Variants in NSUN4 observed in about 807,000 individuals in gnomAD.
The protein encoded by NSUN4 is 5-cytosine rRNA methyltransferase NSUN4.
In NSUN4, 31 loss-of-function variants were observed where a neutral mutation model predicts 43.8. The ratio of observed to expected loss-of-function variants is 0.71; its 90% CI spans 0.53 to 0.96. The LOEUF is 0.96. NSUN4 is among the 40% of genes least tolerant of loss of function. NSUN4 has a pLI of 0.00. For synonymous variants in NSUN4, 167 were observed against 184.1 expected (o/e 0.91, Z 0.75); for missense variants, 439 against 475.6 (o/e 0.92, Z 0.72).
Position 46,361,810 on chromosome 1 carries a change from C to T in NSUN4, c.1119C>T (p.Gly373=), listed in dbSNP as rs1663899358. ...LVIPNLMANF[G]PMYFCKMRRL... Reference sequence around the variant, plus strand: ...TACCAAACCTCATGGCCAATTTTGGCCCCATGTACTTCTGCAAAATGCGTA... The same window carrying T: ...TACCAAACCTCATGGCCAATTTTGGTCCCATGTACTTCTGCAAAATGCGTA... Residue 373 remains glycine (G), a synonymous_variant, in exon 6 of 6, where the codon GGC becomes GGT. Coordinates refer to ENST00000474844, the MANE Select transcript of NSUN4 (RefSeq NM_199044.4). The T allele has an allele frequency of 4.3e-6, 7 of 1,614,128 alleles. No homozygotes were observed. The highest frequency in any genetic ancestry group is 5.9e-6 in the Non-Finnish European group (7 of 1,180,000).
chr1:46,382,759 G>A, the NSUN4 span, among the ~76,000 whole-genome samples: 12 of 152,162 alleles, frequency 7.9e-5, no homozygotes, highest in East Asian at 7.7e-4. Context: ...AAGCCAAAAT[G>A]CCCAGCTAAT....
chr1:46,370,994 C>T, the NSUN4 span: 1 of 152,552 alleles, frequency 6.6e-6, no homozygotes, highest in Non-Finnish European at 1.5e-5. Flanking sequence ...TGAGGTAGCT[C>T]AGTATTATTA....
intron 3 of NSUN4, among the ~76,000 whole-genome samples, chr1:46,351,919 C>T (rs1557740326): frequency 6.6e-6 from 1 of 151,348 alleles, no homozygotes; most frequent in Non-Finnish European, 1.5e-5. Context: ...CTGCCTTGTC[C>T]TCCCAAAGTG....
downstream of NSUN4, among the ~76,000 whole-genome samples, chr1:46,366,750 A>C: frequency 6.8e-6 from 1 of 147,354 alleles, no homozygotes; most frequent in African/African-American, 2.5e-5. Context: ...AACCAAGCCC[A>C]CAGAGAATAA....
chr1:46,355,044 T>C (rs1663271682), intron 4 of NSUN4, among the ~76,000 whole-genome samples: 1 of 152,180 alleles, frequency 6.6e-6, no homozygotes, highest in Non-Finnish European at 1.5e-5. Flanking sequence ...GCCTAACCAG[T>C]TTCTACATTA....
At chr1:46,384,020 G>A in the NSUN4 span, among the ~76,000 whole-genome samples, 57 of 152,148 alleles carry the variant, frequency 3.7e-4, no homozygotes, top group Non-Finnish European at 7.1e-4. Context: ...CTAATTTAAC[G>A]AGAGTGATGG....
intron 1 of NSUN4, chr1:46,341,129 T>C: frequency 7.8e-7 from 1 of 1,288,138 alleles, no homozygotes; most frequent in Non-Finnish European, 1.0e-6. Flanking sequence ...ACGTCTGCAG[T>C]CTCCTGACTC....
downstream of NSUN4, among the ~76,000 whole-genome samples, chr1:46,367,846 C>A (rs938429736): frequency 5.4e-5 from 8 of 149,020 alleles, no homozygotes; most frequent in African/African-American, 2.0e-4. Flanking sequence ...CTCACTGCAA[C>A]CTCCGCCTCC....
the NSUN4 span, among the ~76,000 whole-genome samples, chr1:46,383,613 G>A: frequency 5.3e-5 from 8 of 151,712 alleles, no homozygotes; most frequent in African/African-American, 1.9e-4. Flanking sequence ...CTGCCACCAC[G>A]CCTGGCTAAT....
In NSUN4 at chr1:46,353,026, C is replaced by T. The variant is rs774626878; in HGVS notation, c.751C>T (p.Arg251Trp). Residue 251 changes from arginine to tryptophan, a missense_variant and splice_region_variant, in exon 4 of 6, where the codon CGG becomes TGG. By Grantham distance (101) the Arg-to-Trp change is moderately radical. Coordinates refer to ENST00000474844, the MANE Select transcript of NSUN4 (RefSeq NM_199044.4). ...AGAACTGGAGGGGGACACCTATGACCGGGTGAGTGATTCTTGATTTAGGAC... is the reference window on the plus strand; with the variant it reads ...AGAACTGGAGGGGGACACCTATGACTGGGTGAGTGATTCTTGATTTAGGAC... ...WGELEGDTYD[R>W]VLVDVPCTTD... 6.8e-6 allele frequency: 11 copies of T among 1,613,882 alleles called. No individual in the cohort carries two copies. The highest frequency in any genetic ancestry group is 1.7e-4 in the Middle Eastern group (1 of 6,052).
Position 46,347,025 on chromosome 1 carries a change from G to A in NSUN4, c.542G>A (p.Cys181Tyr), listed in dbSNP as rs752863371. The A allele has an allele frequency of 6.2e-7, 1 of 1,614,216 alleles. No individual in the cohort carries two copies. Among genetic ancestry groups the A allele is most frequent in the Non-Finnish European group, 8.5e-7 (1 of 1,180,032 alleles). Reference protein sequence around the residue: ...LQPGDIVLDLCAAPGGKTLAL... With the variant: ...LQPGDIVLDLYAAPGGKTLAL... Reference sequence around the variant, plus strand: ...CCTGGGGACATCGTGCTTGACCTATGTGCAGCTCCTGGGGGAAAGACACTA... The same window carrying A: ...CCTGGGGACATCGTGCTTGACCTATATGCAGCTCCTGGGGGAAAGACACTA... The change falls in exon 3 of 6, where the codon TGT becomes TAT. Residue 181 changes from cysteine to tyrosine, a missense_variant. By Grantham distance (194) the Cys-to-Tyr change is radical. Coordinates refer to ENST00000474844, the MANE Select transcript of NSUN4 (RefSeq NM_199044.4).
At chr1:46,365,611 G>A (rs1429613535), downstream of NSUN4, among the ~76,000 whole-genome samples, 2 of 152,096 alleles carry the variant, frequency 1.3e-5, no homozygotes, top group Non-Finnish European at 2.9e-5. Context: ...CAAAGTGCTA[G>A]GATTACAGGT....
intron 1 of NSUN4, 166 bp from the exon 2 acceptor site, chr1:46,344,635 C>A (rs1383778847): frequency 1.6e-5 from 10 of 636,690 alleles, no homozygotes; most frequent in Non-Finnish European, 2.8e-5. Flanking sequence ...GGCCCACTCT[C>A]CACTACTTTT....
intron 1 of NSUN4, chr1:46,342,599 TC>T (rs1416992223): frequency 2.5e-6 from 1 of 399,130 alleles, no homozygotes; most frequent in Non-Finnish European, 4.4e-6. Flanking sequence ...CAACTTCTGG[TC>T]CCCCCTGTTC....
chr1:46,352,051 C>T (rs1376276792), intron 3 of NSUN4, among the ~76,000 whole-genome samples: 3 of 151,206 alleles, frequency 2.0e-5, no homozygotes, highest in African/African-American at 7.3e-5. Flanking sequence ...TGGTCTTGAA[C>T]TCCTGGGCTG....
chr1:46,379,348 G>A, the NSUN4 span, among the ~76,000 whole-genome samples: 4 of 152,112 alleles, frequency 2.6e-5, no homozygotes, highest in South Asian at 4.1e-4. Context: ...CAGGTGGGGC[G>A]GCTCACACCT....
Position 46,360,820 on chromosome 1 carries a change from G to T in NSUN4, c.870G>T (p.Gln290His). The T allele has an allele frequency of 6.2e-7, 1 of 1,613,814 alleles. No individual in the cohort carries two copies. Residue 290 changes from glutamine to histidine, a missense_variant, in exon 5 of 6, where the codon CAG becomes CAT. Physicochemically the swap from Gln to His is conservative, Grantham distance 24. Transcript: ENST00000474844. Reference protein sequence around the residue: ...ERQILPVLQVQLLAAGLLATK... With the variant: ...ERQILPVLQVHLLAAGLLATK... ...AGATATTGCCTGTGCTGCAAGTGCA[G>T]CTTCTTGCGTGAGTGACAGATTTTT...
At chr1:46,356,467 C>A (rs112036967) in intron 4 of NSUN4, among the ~76,000 whole-genome samples, 1 of 151,898 alleles carries the variant, frequency 6.6e-6, no homozygotes, top group Non-Finnish European at 1.5e-5. Flanking sequence ...CCAAGGCGGG[C>A]GGATCACGAG....
Position 46,359,836 on chromosome 1 carries a change from T to C in NSUN4, c.754-868T>C, listed in dbSNP as rs12070450. On this transcript the variant is annotated intron_variant, in intron 4 of 5. Transcript: ENST00000474844. ...TTTCCAGACTGTAATAACTTTCCTA[T>C]TGGAGTATAATACAGAAGTGACCAA... 2.1e-3 allele frequency among the ~76,000 whole-genome samples: 325 copies of C among 152,184 alleles called. 1 individual carries two copies. The highest frequency in any genetic ancestry group is 7.4e-3 in the African/African-American group (308 of 41,518).
Sources: allele counts gnomAD v4.1 joint callset (sites outside exome capture counted in the v4.1 genomes callset), GRCh38; gene constraint gnomAD v4.1.1; transcripts MANE v1.5; gene names NCBI Gene and HGNC (gene_info 2026-07-23, HGNC 2026-07-21).